Variants in TMEM87B observed in about 807,000 individuals in gnomAD.
The protein encoded by TMEM87B is transmembrane protein 87B.
A neutral mutation model predicts 80.3 loss-of-function variants in TMEM87B; 83 were observed. That is an observed-to-expected ratio of 1.03 (90% confidence interval 0.87 to 1.24). The LOEUF is 1.24. Among genes scored for constraint, TMEM87B ranks in the 50% most tolerant of loss-of-function variants. The pLI, the probability that TMEM87B is intolerant of heterozygous loss-of-function variation, is 0.00. For synonymous variants in TMEM87B, 219 were observed against 230.5 expected (o/e 0.95, Z 0.45); for missense variants, 625 against 674.4 (o/e 0.93, Z 0.81).
At chr2:112,065,864 A>G (rs1678419269) in intron 3 of TMEM87B, among the ~76,000 whole-genome samples, 1 of 152,004 alleles carries the variant, frequency 6.6e-6, no homozygotes, top group Non-Finnish European at 1.5e-5. Context: ...TGCACAGACC[A>G]TTTATTTTTG....
intron 4 of TMEM87B, among the ~76,000 whole-genome samples, chr2:112,072,457 G>A (rs998290273): frequency 1.3e-5 from 2 of 151,998 alleles, no homozygotes; most frequent in African/African-American, 4.8e-5. Context: ...GTTTCTTATT[G>A]GTCTGTTCAG....
Position 112,080,963 on chromosome 2 carries a change from G to T in TMEM87B, c.593-94G>T. ...ACATACAAATTCAGCATTTGTTAGT[G>T]TGGTTTGTATTCTTGGAGCCTTCTG... On this transcript the variant is annotated intron_variant, in intron 6 of 18. Transcript: ENST00000283206. 4 of 1,042,106 alleles carry T rather than the reference G, an allele frequency of 3.8e-6. No individual in the cohort carries two copies. In the South Asian group the frequency reaches 5.5e-5, roughly 14 times the overall value. 64.6% of individuals were successfully genotyped at this position (1,042,106 alleles called of 1,614,324 possible). A position where few individuals can be genotyped will look rare whatever the true frequency, so the allele number is the denominator to read the frequency against.
At chr2:112,069,198 C>CAAAAA (rs1280554360) in intron 4 of TMEM87B, among the ~76,000 whole-genome samples, 7 of 62,350 alleles carry the variant, frequency 1.1e-4, no homozygotes, top group African/African-American at 2.9e-4. Context: ...GACTCCGTCT[C>CAAAAA]AAAAAAAAAA....
Position 112,064,217 on chromosome 2 carries a change from G to C in TMEM87B, c.282G>C (p.Lys94Asn). ...PVKFTIVWHLKYHTCHNEHSN... is the reference protein window; with the variant it reads ...PVKFTIVWHLNYHTCHNEHSN... The stretch of plus-strand genomic sequence containing the variant: ...AGTTTACCATAGTGTGGCATTTGAA[G>C]TATCATACCTGTCACAATGAGCATT... The change falls in exon 3 of 19, where the codon AAG becomes AAC. Residue 94 changes from lysine (K) to asparagine (N), a missense_variant. By Grantham distance (94) the Lys-to-Asn change is moderately conservative (BLOSUM62 0). Transcript: ENST00000283206. 1 of 1,613,772 alleles carries C rather than the reference G, an allele frequency of 6.2e-7. No individual in the cohort carries two copies. The highest frequency in any genetic ancestry group is 8.5e-7 in the Non-Finnish European group (1 of 1,179,876).
At chr2:112,068,649 A>G (rs964492784) in intron 4 of TMEM87B, among the ~76,000 whole-genome samples, 5 of 151,880 alleles carry the variant, frequency 3.3e-5, no homozygotes, top group Non-Finnish European at 5.9e-5. Context: ...GCTTGCAGTG[A>G]GCCGAGATCA....
In TMEM87B at chr2:112,091,797, T is replaced by C. The variant is rs1428223754; in HGVS notation, c.1104+14T>C. 6.3e-7 allele frequency: 1 copy of C among 1,575,518 alleles called. No individual in the cohort carries two copies. Among genetic ancestry groups the C allele is most frequent in the East Asian group, 2.2e-5 (1 of 44,584 alleles). ...TTTGTGTGGTTCATATCCTTTACTG[T>C]GTCCTTCAAAATAGTTTGTTGTATC... On this transcript the variant is annotated intron_variant, in intron 11 of 18. Coordinates refer to ENST00000283206, the MANE Select transcript of TMEM87B (RefSeq NM_032824.3).
intron 11 of TMEM87B, among the ~76,000 whole-genome samples, chr2:112,092,319 C>A (rs1037182110): frequency 8.5e-5 from 13 of 152,088 alleles, no homozygotes; most frequent in Admixed American, 6.5e-5. Flanking sequence ...CAGAGGGGGA[C>A]AGTGGCAGAA....
chr2:112,110,620 T>C (rs752611376), intron 17 of TMEM87B, among the ~76,000 whole-genome samples: 27 of 152,176 alleles, frequency 1.8e-4, no homozygotes, highest in Non-Finnish European at 3.5e-4. Context: ...AGTGCCTTTT[T>C]CCATCAGTGC....
At chr2:112,064,483 C>T (rs570538077) in intron 3 of TMEM87B, among the ~76,000 whole-genome samples, 20 of 152,196 alleles carry the variant, frequency 1.3e-4, no homozygotes, top group East Asian at 3.9e-4. Flanking sequence ...AATTCAGGCA[C>T]GTAGGAGTCA....
chr2:112,105,698 T>C (rs189513718), intron 15 of TMEM87B, among the ~76,000 whole-genome samples: 15 of 152,338 alleles, frequency 9.8e-5, no homozygotes, highest in African/African-American at 3.6e-4. Context: ...ATCCATAAAC[T>C]TTAAAATAAT....
chr2:112,081,895 C>CA, intron 8 of TMEM87B, among the ~76,000 whole-genome samples: 1 of 152,218 alleles, frequency 6.6e-6, no homozygotes, highest in East Asian at 1.9e-4. Context: ...CCTTCTCCTT[C>CA]AAAAAACGAA....
chr2:112,080,220 C>T (rs548740814), intron 6 of TMEM87B, among the ~76,000 whole-genome samples: 14 of 151,062 alleles, frequency 9.3e-5, no homozygotes, highest in South Asian at 2.1e-4. Context: ...TGAGCTGTAA[C>T]GCCCAGCCCC....
intron 8 of TMEM87B, among the ~76,000 whole-genome samples, chr2:112,084,101 A>G (rs1429840115): frequency 4.6e-5 from 7 of 152,306 alleles, no homozygotes; most frequent in Middle Eastern, 6.8e-3. Context: ...GCCTCCCACA[A>G]GCTCCCACAA....
intron 11 of TMEM87B, chr2:112,095,152 C>CTTTT: frequency 2.4e-6 from 2 of 825,692 alleles, no homozygotes; most frequent in Non-Finnish European, 2.7e-6. Context: ...TTTCTCTTTT[C>CTTTT]TTTTCTTTCT....
chr2:112,101,281 T>C (rs1179345251), intron 15 of TMEM87B, among the ~76,000 whole-genome samples: 2 of 152,212 alleles, frequency 1.3e-5, no homozygotes, highest in African/African-American at 4.8e-5. Context: ...CTTTTTCACC[T>C]TCTGTTTTGG....
rs536366195 is a variant in TMEM87B at position 112,086,398 on chromosome 2, G to A, written c.938+294G>A. Among the ~76,000 whole-genome samples the A allele has an allele frequency of 1.0e-3, 158 of 152,254 alleles. 3 individuals carry two copies. The highest frequency in any genetic ancestry group is 3.7e-3 in the African/African-American group (154 of 41,546). On this transcript the variant is annotated intron_variant, in intron 9 of 18. Transcript: ENST00000283206. ...TCAAACCATTTTCAAACCCTTTTCT[G>A]TTATTTAGACAGTATCATTAAGCTT...
At chr2:112,099,555 T>TATATATATATATATATACAC (rs1019425429) in intron 14 of TMEM87B, among the ~76,000 whole-genome samples, 3 of 73,556 alleles carry the variant, frequency 4.1e-5, no homozygotes, top group African/African-American at 1.5e-4. Context: ...TATATATATA[T>TATATATATATATATATACAC]ACACACACAC....
chr2:112,096,897 C>A, intron 11 of TMEM87B, 147 bp from the exon 12 acceptor site: 1 of 611,340 alleles, frequency 1.6e-6, no homozygotes, highest in South Asian at 2.1e-5. Flanking sequence ...CAATATTGGC[C>A]AAGATAACAT....
intron 9 of TMEM87B, 52 bp from the exon 10 acceptor site, chr2:112,089,573 T>A: frequency 6.5e-7 from 1 of 1,547,592 alleles, no homozygotes; most frequent in Non-Finnish European, 8.9e-7. Flanking sequence ...TCAGGTGCAT[T>A]TTACTCACCC....
Sources: allele counts gnomAD v4.1 joint callset (sites outside exome capture counted in the v4.1 genomes callset), GRCh38; gene constraint gnomAD v4.1.1; transcripts MANE v1.5; gene names NCBI Gene and HGNC (gene_info 2026-07-23, HGNC 2026-07-21).